Variants in MAN1A2 observed in about 807,000 individuals in gnomAD.
The protein encoded by MAN1A2 is mannosidase alpha class 1A member 2, also known as mannosyl-oligosaccharide 1,2-alpha-mannosidase IB.
In MAN1A2, 26 loss-of-function variants were observed where a neutral mutation model predicts 75.7. That is an observed-to-expected ratio of 0.34 (90% CI 0.25 to 0.48). MAN1A2 has a LOEUF of 0.48. MAN1A2 is among the 20% of genes least tolerant of loss of function. The probability of loss-of-function intolerance (pLI) is 0.99; values close to 1 mark genes in which losing one functional copy is unlikely to be tolerated. For missense variants in MAN1A2, 562 were observed against 775.5 expected (o/e 0.72, Z 3.27); for synonymous variants, 247 against 264.6 (o/e 0.93, Z 0.65).
In MAN1A2 at chr1:117,523,045, C is replaced by T; in HGVS notation, c.*88C>T. On this transcript the variant is annotated 3_prime_UTR_variant, in exon 13 of 13. Transcript: ENST00000356554. Reference sequence around the variant, plus strand: ...GTTTGAAGGGGCGGCTTTTGAAAACCTGGACCTCTATGTCAACATGACAGG... The same window carrying T: ...GTTTGAAGGGGCGGCTTTTGAAAACTTGGACCTCTATGTCAACATGACAGG... 7.1e-7 allele frequency: 1 copy of T among 1,412,500 alleles called. No individual in the cohort carries two copies. The highest frequency in any genetic ancestry group is 9.9e-7 in the Non-Finnish European group (1 of 1,008,508). The allele number at this position is 1,412,500 out of a possible 1,614,324, so 87.5% of individuals were successfully genotyped here.
intron 1 of MAN1A2, among the ~76,000 whole-genome samples, chr1:117,382,692 A>C (rs978831584): frequency 2.0e-5 from 3 of 152,078 alleles, no homozygotes. Context: ...TATGAACTTT[A>C]AAGTAGTTTT....
chr1:117,411,108 C>G (rs896862238), intron 3 of MAN1A2, among the ~76,000 whole-genome samples: 5 of 151,490 alleles, frequency 3.3e-5, no homozygotes, highest in African/African-American at 9.7e-5. Flanking sequence ...ATTCTAAAAT[C>G]TATGAAAATA....
At chr1:117,486,408 G>A (rs893990355) in intron 8 of MAN1A2, among the ~76,000 whole-genome samples, 1 of 151,854 alleles carries the variant, frequency 6.6e-6, no homozygotes, top group African/African-American at 2.4e-5. Context: ...TGTTTTATAT[G>A]CTTTTCTGTA....
intron 5 of MAN1A2, among the ~76,000 whole-genome samples, chr1:117,437,928 CTTG>C (rs886433513): frequency 1.3e-5 from 2 of 152,136 alleles, no homozygotes; most frequent in Non-Finnish European, 2.9e-5. Context: ...TTATTCAACA[CTTG>C]TTGAGCATCT....
In MAN1A2 at chr1:117,458,498, T is replaced by TAG. The variant is rs1553236594; in HGVS notation, c.951-1990_951-1989insGA. Among the ~76,000 whole-genome samples, 501 of 89,382 alleles carry TAG rather than the reference T, an allele frequency of 5.6e-3. 7 individuals carry two copies. The highest frequency in any genetic ancestry group is 0.032 in the African/African-American group (464 of 14,412). 58.6% of individuals were successfully genotyped at this position (89,382 alleles called of 152,430 possible). On this transcript the variant is annotated intron_variant, in intron 6 of 12. Coordinates refer to ENST00000356554, the MANE Select transcript of MAN1A2 (RefSeq NM_006699.5). ...ATAAGATGAGAAATATATATATATC[T>TAG]ATATATATATATAGATATATATATA...
chr1:117,413,878 C>T (rs1647901346), intron 3 of MAN1A2, among the ~76,000 whole-genome samples: 1 of 151,854 alleles, frequency 6.6e-6, no homozygotes, highest in African/African-American at 2.4e-5. Context: ...ATTTTTTACT[C>T]TACTAGTAGC....
At chr1:117,491,217 A>C (rs1473093438) in intron 8 of MAN1A2, among the ~76,000 whole-genome samples, 1 of 152,084 alleles carries the variant, frequency 6.6e-6, no homozygotes. Context: ...GCCATCTCAT[A>C]GATGAAGAGA....
At chr1:117,435,043 T>C (rs1002495154) in intron 5 of MAN1A2, among the ~76,000 whole-genome samples, 5 of 152,026 alleles carry the variant, frequency 3.3e-5, no homozygotes, top group Non-Finnish European at 7.4e-5. Context: ...TAAAGAATAC[T>C]AGATTAGAGG....
At chr1:117,414,859 T>A (rs771508047) in intron 4 of MAN1A2, 28 bp downstream of exon 4, 1 of 1,303,712 alleles carries the variant, frequency 7.7e-7, no homozygotes. Flanking sequence ...AACTAATCTC[T>A]TAGATTAACC....
chr1:117,502,678 C>T (rs1321754591), intron 11 of MAN1A2, among the ~76,000 whole-genome samples, 177 bp from the exon 12 acceptor site: 2 of 151,554 alleles, frequency 1.3e-5, no homozygotes, highest in East Asian at 1.9e-4. Context: ...TCCTGTTTCT[C>T]GTATGAGTTA....
chr1:117,519,305 A>G (rs1251237264), intron 12 of MAN1A2, among the ~76,000 whole-genome samples: 2 of 152,070 alleles, frequency 1.3e-5, no homozygotes, highest in African/African-American at 4.8e-5. Flanking sequence ...AACCATACTC[A>G]AACCTAGCAG....
At chr1:117,417,713 C>T (rs959706330) in intron 4 of MAN1A2, among the ~76,000 whole-genome samples, 6 of 150,042 alleles carry the variant, frequency 4.0e-5, no homozygotes, top group African/African-American at 1.2e-4. Context: ...CACACTCTCT[C>T]TCTCTCTCTC....
In MAN1A2 at chr1:117,526,840, T is replaced by TCC. The variant is rs1652032687; in HGVS notation, c.*3884_*3885dup. ...CTCAAATTGGCTAGGTCCTATCTTT[T>TCC]CCTCTCTCTCTCTCTCTCTCTCTCT... On this transcript the variant is annotated 3_prime_UTR_variant, in exon 13 of 13. Coordinates refer to ENST00000356554, the MANE Select transcript of MAN1A2 (RefSeq NM_006699.5). The TCC allele has an allele frequency of 6.5e-5, 4 of 61,690 alleles. No individual in the cohort carries two copies. Among genetic ancestry groups the TCC allele is most frequent in the African/African-American group, 2.7e-4 (4 of 14,990 alleles). 3.8% of individuals were successfully genotyped at this position (61,690 alleles called of 1,614,324 possible).
At chr1:117,416,945 A>G (rs1318329290) in intron 4 of MAN1A2, among the ~76,000 whole-genome samples, 3 of 152,104 alleles carry the variant, frequency 2.0e-5, no homozygotes, top group African/African-American at 7.2e-5. Flanking sequence ...AGGGAACAGT[A>G]CTCTGGAAGC....
At chr1:117,505,989 A>G (rs1188069247) in intron 12 of MAN1A2, among the ~76,000 whole-genome samples, 1 of 151,504 alleles carries the variant, frequency 6.6e-6, no homozygotes, top group Admixed American at 6.6e-5. Context: ...AAAACACTCA[A>G]TCTGATTTAC....
At chr1:117,414,958 G>T in intron 4 of MAN1A2, 127 bp downstream of exon 4, 2 of 572,648 alleles carry the variant, frequency 3.5e-6, no homozygotes, top group Non-Finnish European at 6.3e-6. Context: ...TAATGTGACG[G>T]TACTAGAAGA....
At chr1:117,484,877 T>C (rs1324926024) in intron 8 of MAN1A2, among the ~76,000 whole-genome samples, 1 of 151,990 alleles carries the variant, frequency 6.6e-6, no homozygotes, top group African/African-American at 2.4e-5. Context: ...CTCAACTCTT[T>C]CTTAATATTT....
chr1:117,410,133 A>G (rs115728492), intron 3 of MAN1A2, among the ~76,000 whole-genome samples: 130 of 152,064 alleles, frequency 8.5e-4, no homozygotes, highest in African/African-American at 3.0e-3. Context: ...TTGCTGTGTT[A>G]TTTTTAAAAT....
chr1:117,443,707 G>A (rs1283506562), intron 6 of MAN1A2, among the ~76,000 whole-genome samples: 1 of 152,064 alleles, frequency 6.6e-6, no homozygotes, highest in Non-Finnish European at 1.5e-5. Flanking sequence ...TCTTTGGTAT[G>A]TAAACAAATA....
Sources: allele counts gnomAD v4.1 joint callset (sites outside exome capture counted in the v4.1 genomes callset), GRCh38; gene constraint gnomAD v4.1.1; transcripts MANE v1.5; gene names NCBI Gene and HGNC (gene_info 2026-07-23, HGNC 2026-07-21).